UBXN2B: variants seen among roughly 807,000 people sequenced by gnomAD.
UBXN2B encodes UBX domain-containing protein 2B.
In UBXN2B, 19 loss-of-function variants were observed where a neutral mutation model predicts 37.5. The ratio of observed to expected loss-of-function variants is 0.51; its 90% CI spans 0.35 to 0.74. The LOEUF is 0.74. Among genes scored for constraint, UBXN2B ranks in the 30% least tolerant of loss-of-function variants. The probability of loss-of-function intolerance (pLI) is 0.01; values close to 1 mark genes in which losing one functional copy is unlikely to be tolerated. For missense variants in UBXN2B, 370 were observed against 393.2 expected (o/e 0.94, Z 0.50); for synonymous variants, 145 against 143.8 (o/e 1.01, Z -0.06).
At chr8:58,422,133 T>A (rs1258185575) in intron 2 of UBXN2B, among the ~76,000 whole-genome samples, 1 of 152,214 alleles carries the variant, frequency 6.6e-6, no homozygotes, top group Non-Finnish European at 1.5e-5. Context: ...AACTGGAATC[T>A]TTTTCTTTAC....
chr8:58,435,306 TG>T (rs1214168381), intron 5 of UBXN2B, among the ~76,000 whole-genome samples: 1 of 152,032 alleles, frequency 6.6e-6, no homozygotes, highest in Non-Finnish European at 1.5e-5. Context: ...GTGGCTGACA[TG>T]GAGTGGAGGT....
Position 58,450,152 on chromosome 8 carries a change from C to A in UBXN2B, c.*2601C>A, listed in dbSNP as rs769399415. 6.6e-6 allele frequency: 1 copy of A among 152,166 alleles called. No individual in the cohort carries two copies. The highest frequency in any genetic ancestry group is 2.4e-5 in the African/African-American group (1 of 41,444). The allele number at this position is 152,166 out of a possible 1,614,324, so 9.4% of individuals were successfully genotyped here. On this transcript the variant is annotated 3_prime_UTR_variant, in exon 8 of 8. Transcript: ENST00000399598. ...TTCTCTAGAGTAAAGGCTGTCCTGA[C>A]GGTGAATCTTAGTTTTAGTGGCTTT...
chr8:58,415,429 G>T (rs1039117499), intron 1 of UBXN2B, among the ~76,000 whole-genome samples: 1 of 151,906 alleles, frequency 6.6e-6, no homozygotes, highest in African/African-American at 2.4e-5. Flanking sequence ...GTGCATGTCT[G>T]TCTCTCTCTC....
chr8:58,429,092 A>G (rs1211341106), intron 2 of UBXN2B, among the ~76,000 whole-genome samples: 1 of 152,214 alleles, frequency 6.6e-6, no homozygotes, highest in Non-Finnish European at 1.5e-5. Context: ...GAGATAGGAA[A>G]TCATTTGCTA....
At chr8:58,438,232 C>T (rs901080711) in intron 5 of UBXN2B, among the ~76,000 whole-genome samples, 6 of 152,210 alleles carry the variant, frequency 3.9e-5, no homozygotes, top group Admixed American at 2.0e-4. Flanking sequence ...GAGGCTGCAC[C>T]TAGATTTTAG....
chr8:58,422,618 G>A (rs1368586606), intron 2 of UBXN2B, among the ~76,000 whole-genome samples: 2 of 152,242 alleles, frequency 1.3e-5, no homozygotes, highest in African/African-American at 2.4e-5. Context: ...TGTTAGGGCT[G>A]TTCCTTCTCA....
chr8:58,414,918 A>C (rs1353718972), intron 1 of UBXN2B, among the ~76,000 whole-genome samples: 1 of 152,138 alleles, frequency 6.6e-6, no homozygotes, highest in Non-Finnish European at 1.5e-5. Flanking sequence ...ATTTGATTGG[A>C]AGCATTTATT....
chr8:58,441,188 C>T (rs1808532324), intron 6 of UBXN2B, among the ~76,000 whole-genome samples: 1 of 151,402 alleles, frequency 6.6e-6, no homozygotes, highest in African/African-American at 2.4e-5. Context: ...AGACACGTGT[C>T]TTACTATGTT....
At chr8:58,428,047 T>C (rs979478994) in intron 2 of UBXN2B, among the ~76,000 whole-genome samples, 1 of 152,150 alleles carries the variant, frequency 6.6e-6, no homozygotes, top group African/African-American at 2.4e-5. Flanking sequence ...GATCAAATGT[T>C]TCAGAAAGTG....
chr8:58,432,956 A>G lies in UBXN2B; in HGVS notation c.340-204A>G, dbSNP rs190473357. On this transcript the variant is annotated intron_variant, in intron 3 of 7. Coordinates refer to ENST00000399598, the MANE Select transcript of UBXN2B (RefSeq NM_001077619.2). The stretch of plus-strand genomic sequence containing the variant: ...GAGAACCACTGCTGTAATGAAACTT[A>G]AATTTTGGTTTTCATTTCATTATTC... 1.3e-5 allele frequency among the ~76,000 whole-genome samples: 2 copies of G among 152,316 alleles called. 1 individual carries two copies. Among genetic ancestry groups the G allele is most frequent in the African/African-American group, 4.8e-5 (2 of 41,562 alleles).
At position 58,434,369 on chromosome 8, in the gene UBXN2B, ATTTT is replaced by A. The variant is rs3080297; in HGVS notation, c.424-17_424-14del. On this transcript the variant is annotated intron_variant, in intron 4 of 7. Transcript: ENST00000399598. The stretch of plus-strand genomic sequence containing the variant: ...TGTGAATATATATATATATATATAT[ATTTT>A]TTTTTTTTCTATACCCAAAAGGTTC... 9.1e-5 allele frequency: 28 copies of A among 307,028 alleles called. 1 individual carries two copies. The Middle Eastern group carries it at 3.6e-3, about 39-fold the overall frequency. 19.0% of individuals were successfully genotyped at this position (307,028 alleles called of 1,614,324 possible). A position where few individuals can be genotyped will look rare whatever the true frequency, so the allele number is the denominator to read the frequency against.
intron 1 of UBXN2B, among the ~76,000 whole-genome samples, chr8:58,411,956 A>G (rs905700637): frequency 3.3e-5 from 5 of 152,214 alleles, no homozygotes; most frequent in African/African-American, 1.2e-4. Context: ...GGGTGAAGGA[A>G]AGCGATGCAC....
intron 3 of UBXN2B, among the ~76,000 whole-genome samples, chr8:58,431,660 T>G (rs1808279876): frequency 6.6e-6 from 1 of 152,246 alleles, no homozygotes; most frequent in African/African-American, 2.4e-5. Context: ...CCAGAGTGGT[T>G]GTGCCATTTT....
intron 2 of UBXN2B, among the ~76,000 whole-genome samples, chr8:58,421,959 G>T (rs1807936629): frequency 6.6e-6 from 1 of 152,258 alleles, no homozygotes; most frequent in African/African-American, 2.4e-5. Context: ...AACGGGCAGA[G>T]ATGTTAATAC....
At chr8:58,422,910 T>G (rs529900143) in intron 2 of UBXN2B, among the ~76,000 whole-genome samples, 3 of 152,348 alleles carry the variant, frequency 2.0e-5, no homozygotes, top group African/African-American at 7.2e-5. Context: ...CAACTTCTGC[T>G]TTTGCTAATA....
intron 5 of UBXN2B, among the ~76,000 whole-genome samples, chr8:58,438,664 T>C (rs1808476603): frequency 6.6e-6 from 1 of 152,214 alleles, no homozygotes; most frequent in African/African-American, 2.4e-5. Context: ...TTTTTTATCT[T>C]ACAGGATTAT....
At chr8:58,413,923 TG>T (rs1166966662) in intron 1 of UBXN2B, among the ~76,000 whole-genome samples, 1 of 152,154 alleles carries the variant, frequency 6.6e-6, no homozygotes, top group African/African-American at 2.4e-5. Context: ...CTTTCTCTTC[TG>T]GTGTCCCTCA....
At chr8:58,435,368 T>C (rs1237791436) in intron 5 of UBXN2B, among the ~76,000 whole-genome samples, 1 of 152,190 alleles carries the variant, frequency 6.6e-6, no homozygotes, top group African/African-American at 2.4e-5. Context: ...ATTTAAATTA[T>C]ATACAGATAC....
rs775165230 is a variant in UBXN2B at position 58,447,437 on chromosome 8, G to T, written c.882G>T (p.Ala294=). ...TTGTACAGTCTCGTCCTGAATTTGC[G>T]GCTCTTGACTTTATTCTTGTGACTT... ...NFIVQSRPEF[A]ALDFILVTSF... The change falls in exon 8 of 8, where the codon GCG becomes GCT. Residue 294 remains alanine, a synonymous_variant. Coordinates refer to ENST00000399598, the MANE Select transcript of UBXN2B (RefSeq NM_001077619.2). The T allele has an allele frequency of 6.2e-7, 1 of 1,612,498 alleles. No homozygotes were observed. Among genetic ancestry groups the T allele is most frequent in the Admixed American group, 1.7e-5 (1 of 59,996 alleles).
Sources: allele counts gnomAD v4.1 joint callset (sites outside exome capture counted in the v4.1 genomes callset), GRCh38; gene constraint gnomAD v4.1.1; transcripts MANE v1.5; gene names NCBI Gene and HGNC (gene_info 2026-07-23, HGNC 2026-07-21).